Variants in DOK7 observed in about 807,000 individuals in gnomAD.
DOK7 encodes the protein docking protein 7.
In DOK7, 32 loss-of-function variants were observed where a neutral mutation model predicts 30.7. The ratio of observed to expected loss-of-function variants is 1.04; its 90% confidence interval spans 0.79 to 1.40. The LOEUF (loss-of-function observed/expected upper bound fraction) is 1.40, where lower values mean the gene tolerates loss of function less well. Ranked by LOEUF, DOK7 falls within the 40% of genes most tolerant of loss-of-function variation. DOK7 has a pLI of 0.00. For synonymous variants in DOK7, 447 were observed against 324.1 expected, an observed-to-expected ratio of 1.38 and a Z score of -4.07; for missense variants, 1,007 against 699.2, an observed-to-expected ratio of 1.44 and a Z score of -4.97.
In DOK7 at chr4:3,468,680, CTG is replaced by C. The variant is rs201000765; in HGVS notation, c.101-4719_101-4718del. ...TGAGTGTGTGTGCCTGTGTGCATGC[CTG>C]TGTGTGCATGTATGTCTGTGTATGT... On this transcript the variant is annotated intron_variant, in intron 2 of 6. Coordinates refer to ENST00000340083, the MANE Select transcript of DOK7 (RefSeq NM_173660.5). Among the ~76,000 whole-genome samples, 1,189 of 133,194 alleles carry C rather than the reference CTG, an allele frequency of 8.9e-3. 17 individuals are homozygous for C. Among genetic ancestry groups the C allele is most frequent in the African/African-American group, 0.031 (1,079 of 35,088 alleles). 87.4% of individuals were successfully genotyped at this position (133,194 alleles called of 152,430 possible).
chr4:3,493,272 G>T lies in DOK7; in HGVS notation c.1286G>T (p.Ser429Ile). 1 of 1,611,214 alleles carries T rather than the reference G, an allele frequency of 6.2e-7. No homozygotes were observed. The highest frequency in any genetic ancestry group is 1.3e-5 in the African/African-American group (1 of 75,040). Residue 429 changes from serine (S) to isoleucine (I), a missense_variant, in exon 7 of 7, where the codon AGT becomes ATT. Transcript: ENST00000340083. ...SPPSQGSPGN[S>I]AARDSGGQTS... ...CCCTCACAGGGCAGCCCCGGCAACA[G>T]TGCGGCCAGGGACTCAGGCGGCCAG...
chr4:3,491,815 T>A (rs2699417), intron 6 of DOK7, among the ~76,000 whole-genome samples: 76,973 of 151,718 alleles, frequency 0.51, 19,973 homozygotes, highest in East Asian at 0.8. Context: ...TGGGGAGAGG[T>A]GGTGGTGGAA....
downstream of DOK7, among the ~76,000 whole-genome samples, chr4:3,497,365 C>G (rs890313178): frequency 2.6e-5 from 4 of 151,932 alleles, no homozygotes; most frequent in Non-Finnish European, 4.4e-5. Context: ...AAGGGCAGGG[C>G]ATTGGTGCCC....
exon 8 of DOK7, chr4:3,501,331 C>T (rs183827227): frequency 4.5e-5 from 7 of 156,042 alleles, no homozygotes; most frequent in Non-Finnish European, 8.5e-5. Flanking sequence ...CTGAGACTGG[C>T]GGCTCAGACA....
chr4:3,481,987 C>T (rs903478785), intron 4 of DOK7, among the ~76,000 whole-genome samples: 6 of 152,088 alleles, frequency 3.9e-5, no homozygotes, highest in African/African-American at 9.7e-5. Context: ...CCCTGAGCCC[C>T]GCAGCTCCTG....
At chr4:3,485,867 C>T (rs377053156) in intron 5 of DOK7, among the ~76,000 whole-genome samples, 3 of 152,108 alleles carry the variant, frequency 2.0e-5, no homozygotes, top group Non-Finnish European at 4.4e-5. Context: ...GGGCTGGGCT[C>T]GTACCTGCAG....
chr4:3,485,007 G>A (rs1727674516), intron 4 of DOK7, among the ~76,000 whole-genome samples: 2 of 152,192 alleles, frequency 1.3e-5, no homozygotes. Context: ...CCTACTTGAT[G>A]TCTCTGGGGT....
chr4:3,496,795 C>T, downstream of DOK7: 1 of 1,535,736 alleles, frequency 6.5e-7, no homozygotes, highest in South Asian at 1.2e-5. Flanking sequence ...GAAGGATGCA[C>T]TGACCCAGGT....
In DOK7 at chr4:3,473,632, C is replaced by T. The variant is rs377367035; in HGVS notation, c.327C>T (p.Gly109=). ...AWDARIRYAL[G]EVHRFHVTVA... ...ATGCCCGGATCCGCTATGCGCTCGGCGAGGGTGAGTGACGGGGGCCGGGGC... is the reference window on the plus strand; with the variant it reads ...ATGCCCGGATCCGCTATGCGCTCGGTGAGGGTGAGTGACGGGGGCCGGGGC... The change falls in exon 3 of 7, where the codon GGC becomes GGT. Residue 109 remains glycine (G), a synonymous_variant. Transcript: ENST00000340083. 4.7e-5 allele frequency: 73 copies of T among 1,564,632 alleles called. No homozygotes were observed. Among genetic ancestry groups the T allele is most frequent in the Middle Eastern group, 2.3e-4 (1 of 4,380 alleles).
intron 4 of DOK7, among the ~76,000 whole-genome samples, chr4:3,478,844 G>A (rs1399177257): frequency 2.6e-5 from 4 of 152,152 alleles, no homozygotes; most frequent in Non-Finnish European, 5.9e-5. Context: ...GTTTAGGCTG[G>A]GTCTTAGACT....
Position 3,492,703 on chromosome 4 carries a change from G to A in DOK7, c.773-56G>A, listed in dbSNP as rs6830812. The A allele has an allele frequency of 0.22, 351,456 of 1,598,966 alleles. 40,290 individuals are homozygous for A. The highest frequency in any genetic ancestry group is 0.32 in the South Asian group (29,027 of 90,588). ...TGGGGGTCCACCAGGCATCAGCCAC[G>A]TCCTGCCCAGACCCCTGTACCCCCA... On this transcript the variant is annotated intron_variant, in intron 6 of 6. Transcript: ENST00000340083.
chr4:3,492,209 G>T (rs771012754), intron 6 of DOK7, among the ~76,000 whole-genome samples: 1 of 152,160 alleles, frequency 6.6e-6, no homozygotes, highest in Non-Finnish European at 1.5e-5. Flanking sequence ...CTCATCCCCC[G>T]CAGGGAGGGA....
At chr4:3,487,106 A>G (rs1360991254) in intron 5 of DOK7, among the ~76,000 whole-genome samples, 13 of 152,170 alleles carry the variant, frequency 8.5e-5, no homozygotes, top group Non-Finnish European at 1.8e-4. Flanking sequence ...CCCACTCCAC[A>G]GGACATCTTT....
chr4:3,475,311 A>C (rs965414698), intron 3 of DOK7, among the ~76,000 whole-genome samples: 16 of 152,266 alleles, frequency 1.1e-4, no homozygotes, highest in African/African-American at 3.9e-4. Flanking sequence ...AGGCAGCTTC[A>C]TCTTGATAGA....
chr4:3,468,738 CTGTGTA>C (rs1388676098), intron 2 of DOK7, among the ~76,000 whole-genome samples: 4 of 99,346 alleles, frequency 4.0e-5, no homozygotes, highest in African/African-American at 8.8e-5. Flanking sequence ...GTATGTCTGC[CTGTGTA>C]TGTGTCTGTG....
At chr4:3,468,880 A>C (rs1449198792) in intron 2 of DOK7, among the ~76,000 whole-genome samples, 3 of 117,358 alleles carry the variant, frequency 2.6e-5, no homozygotes, top group South Asian at 2.7e-4. Context: ...CCTGTGTACG[A>C]GTGTGCCTGT....
chr4:3,483,976 T>C (rs541279955), intron 4 of DOK7, among the ~76,000 whole-genome samples: 435 of 152,300 alleles, frequency 2.9e-3, no homozygotes, highest in African/African-American at 9.6e-3. Context: ...GCAGCGGGCA[T>C]TGGCCTCCCC....
intron 4 of DOK7, among the ~76,000 whole-genome samples, chr4:3,480,890 G>T (rs1358057708): frequency 6.6e-6 from 1 of 152,200 alleles, no homozygotes; most frequent in Non-Finnish European, 1.5e-5. Context: ...AGGGTGCGAG[G>T]GGAGCCAGGA....
At chr4:3,486,324 T>C (rs1007547486) in intron 5 of DOK7, among the ~76,000 whole-genome samples, 3 of 152,228 alleles carry the variant, frequency 2.0e-5, no homozygotes, top group Admixed American at 6.5e-5. Context: ...GGTGCCTCCA[T>C]GGGCTCTCTC....
Sources: gnomAD v4.1 joint callset for allele counts (sites outside exome capture counted in the v4.1 genomes callset) on GRCh38, gnomAD v4.1.1 for gene constraint, MANE v1.5 for transcripts, NCBI Gene and HGNC (gene_info 2026-07-23, HGNC 2026-07-21) for gene names.